SBSPON: variants seen among roughly 807,000 people sequenced by gnomAD.
SBSPON encodes the protein somatomedin B and thrombospondin type 1 domain containing.
SBSPON carries 30 observed loss-of-function variants against 35.8 expected under a neutral mutation model. The observed-to-expected ratio is 0.84, with a 90% CI of 0.63 to 1.14. SBSPON has a LOEUF of 1.14. Ranked by LOEUF, SBSPON falls within the 50% of genes most tolerant of loss-of-function variation. SBSPON has a pLI of 0.00. For missense variants in SBSPON, 364 were observed against 357.7 expected, an observed-to-expected ratio of 1.02 and a Z score of -0.14; for synonymous variants, 136 against 135.9, an observed-to-expected ratio of 1.00 and a Z score of 0.00.
chr8:73,089,622 G>T (rs1427578278), intron 1 of SBSPON, among the ~76,000 whole-genome samples: 1 of 152,046 alleles, frequency 6.6e-6, no homozygotes, highest in Non-Finnish European at 1.5e-5. Context: ...TCTGGCACAT[G>T]GTGTGAGTTG....
At chr8:73,086,947 A>G (rs1204436782) in intron 1 of SBSPON, among the ~76,000 whole-genome samples, 2 of 152,190 alleles carry the variant, frequency 1.3e-5, no homozygotes, top group Non-Finnish European at 2.9e-5. Flanking sequence ...GTGCCGTCTG[A>G]AGCCATGGAT....
chr8:73,085,368 C>T (rs1810803482), intron 1 of SBSPON: 1 of 151,638 alleles, frequency 6.6e-6, no homozygotes, highest in African/African-American at 2.4e-5. Context: ...ATCTGTGGCA[C>T]AAAATGGCAT....
chr8:73,082,516 A>G (rs773638707), intron 1 of SBSPON, among the ~76,000 whole-genome samples: 67 of 152,234 alleles, frequency 4.4e-4, no homozygotes, highest in Non-Finnish European at 9.1e-4. Context: ...CAACATAAAC[A>G]TGTCAGTAAT....
intron 2 of SBSPON, among the ~76,000 whole-genome samples, chr8:73,076,484 T>C (rs1464424724): frequency 1.3e-5 from 2 of 151,766 alleles, no homozygotes; most frequent in Non-Finnish European, 2.9e-5. Flanking sequence ...CCATCTCTAC[T>C]AAAAATACAA....
At chr8:73,073,997 G>A (rs886077862) in intron 2 of SBSPON, among the ~76,000 whole-genome samples, 1 of 152,116 alleles carries the variant, frequency 6.6e-6, no homozygotes, top group Non-Finnish European at 1.5e-5. Context: ...ATGTATATCA[G>A]GATCCCTCTC....
intron 3 of SBSPON, among the ~76,000 whole-genome samples, chr8:73,070,225 G>T (rs1051870122): frequency 6.6e-6 from 1 of 152,106 alleles, no homozygotes; most frequent in Non-Finnish European, 1.5e-5. Context: ...AGCTCTCTGG[G>T]CAATATAAAT....
intron 2 of SBSPON, chr8:73,074,457 C>T: frequency 4.1e-6 from 1 of 245,214 alleles, no homozygotes; most frequent in Non-Finnish European, 6.5e-6. Context: ...CCTATTATTT[C>T]CCCATTTCAC....
At chr8:73,092,796 C>A in intron 1 of SBSPON, 58 bp downstream of exon 1, 1 of 1,399,722 alleles carries the variant, frequency 7.1e-7, no homozygotes, top group South Asian at 1.2e-5. Context: ...GCGCCCTGCC[C>A]TGTGCCCGTT....
chr8:73,088,585 G>A (rs1450859312), intron 1 of SBSPON, among the ~76,000 whole-genome samples: 1 of 152,112 alleles, frequency 6.6e-6, no homozygotes, highest in African/African-American at 2.4e-5. Context: ...GAGGTGGGAA[G>A]ATGGACTTGA....
chr8:73,078,454 A>G (rs764056851), intron 2 of SBSPON, among the ~76,000 whole-genome samples: 1 of 152,178 alleles, frequency 6.6e-6, no homozygotes, highest in Non-Finnish European at 1.5e-5. Context: ...TGTTCAGTAC[A>G]GATATGTTAA....
At chr8:73,092,622 G>A (rs1160690114) in intron 1 of SBSPON, among the ~76,000 whole-genome samples, 1 of 152,150 alleles carries the variant, frequency 6.6e-6, no homozygotes, top group Non-Finnish European at 1.5e-5. Context: ...CTTCCATCCG[G>A]GCTCTGGTCT....
chr8:73,074,363 C>T (rs1055984473), intron 2 of SBSPON, among the ~76,000 whole-genome samples: 11 of 152,118 alleles, frequency 7.2e-5, no homozygotes, highest in Admixed American at 2.6e-4. Context: ...AATAAAAATA[C>T]GCACTTCTAA....
At chr8:73,077,357 C>T (rs976456495) in intron 2 of SBSPON, among the ~76,000 whole-genome samples, 9 of 152,330 alleles carry the variant, frequency 5.9e-5, no homozygotes, top group Admixed American at 1.3e-4. Flanking sequence ...ATTCGTGTGC[C>T]GCGCCTCAAA....
chr8:73,067,259 T>C lies in SBSPON; in HGVS notation c.*82A>G, dbSNP rs925958748. ...ATGTGTTTGGGGACTTTGGCCAAAATTGAAGGTTTAGGAAACATTGAACAT... is the reference window on the plus strand; with the variant it reads ...ATGTGTTTGGGGACTTTGGCCAAAACTGAAGGTTTAGGAAACATTGAACAT... On this transcript the variant is annotated 3_prime_UTR_variant, in exon 5 of 5. Transcript: ENST00000297354. 81 of 890,018 alleles carry C rather than the reference T, an allele frequency of 9.1e-5. No individual in the cohort carries two copies. Among genetic ancestry groups the C allele is most frequent in the Admixed American group, 7.0e-4 (35 of 50,174 alleles). The allele number at this position is 890,018 out of a possible 1,614,324, so 55.1% of individuals were successfully genotyped here.
At chr8:73,075,887 G>T in intron 2 of SBSPON, 1 of 220,468 alleles carries the variant, frequency 4.5e-6, no homozygotes, top group Non-Finnish European at 7.7e-6. Context: ...AACACATTCA[G>T]TAATGTGGCT....
At position 73,066,531 on chromosome 8, in the gene SBSPON, T is replaced by C. The variant is rs1406714551; in HGVS notation, c.*810A>G. ...AGCTTACATCAACTAAACTTGAAGCTGGACTCTGAAAGATTATTTTATTCA... is the reference window on the plus strand; with the variant it reads ...AGCTTACATCAACTAAACTTGAAGCCGGACTCTGAAAGATTATTTTATTCA... On this transcript the variant is annotated 3_prime_UTR_variant, in exon 5 of 5. Coordinates refer to ENST00000297354, the MANE Select transcript of SBSPON (RefSeq NM_153225.4). The C allele has an allele frequency of 6.6e-6, 1 of 152,202 alleles. No individual in the cohort carries two copies. The highest frequency in any genetic ancestry group is 2.4e-5 in the African/African-American group (1 of 41,454). The allele number at this position is 152,202 out of a possible 1,614,324, so 9.4% of individuals were successfully genotyped here.
chr8:73,078,692 G>A (rs1810640610), intron 2 of SBSPON, among the ~76,000 whole-genome samples: 1 of 152,142 alleles, frequency 6.6e-6, no homozygotes, highest in Non-Finnish European at 1.5e-5. Flanking sequence ...TCCTCCCCGA[G>A]CAGTTTGTGT....
intron 1 of SBSPON, among the ~76,000 whole-genome samples, chr8:73,086,388 C>T (rs1453669088): frequency 6.6e-6 from 1 of 152,118 alleles, no homozygotes; most frequent in Non-Finnish European, 1.5e-5. Context: ...TCTCGAACTC[C>T]TGACTTCAGG....
At chr8:73,092,761 C>G (rs1308532396) in intron 1 of SBSPON, 93 bp downstream of exon 1, 5 of 965,744 alleles carry the variant, frequency 5.2e-6, no homozygotes, top group African/African-American at 1.7e-5. Flanking sequence ...GGACACCTGG[C>G]TCAGGGACTG....
Sources: allele counts gnomAD v4.1 joint callset (sites outside exome capture counted in the v4.1 genomes callset), GRCh38; gene constraint gnomAD v4.1.1; transcripts MANE v1.5; gene names NCBI Gene and HGNC (gene_info 2026-07-23, HGNC 2026-07-21).